ANO7: variants seen among roughly 807,000 people sequenced by gnomAD.
ANO7 encodes the protein anoctamin 7, also known as anoctamin-7.
A neutral mutation model predicts 115.8 loss-of-function variants in ANO7; 114 were observed. The observed-to-expected ratio is 0.98, with a 90% CI of 0.85 to 1.15. The LOEUF is 1.15. Ranked by LOEUF, ANO7 falls within the 50% of genes most tolerant of loss-of-function variation. ANO7 has a pLI of 0.00. For synonymous variants in ANO7, 550 were observed against 498.2 expected (o/e 1.10, Z -1.38); for missense variants, 1,302 against 1,201.2 (o/e 1.08, Z -1.24).
the ANO7 span, chr2:241,236,254 C>CTAGG: frequency 3.3e-6 from 1 of 304,964 alleles, no homozygotes; most frequent in African/African-American, 2.1e-5. Context: ...ACAAGGTGAG[C>CTAGG]TAGGCCTGAT....
chr2:241,213,482 C>G (rs1383489148), intron 17 of ANO7, among the ~76,000 whole-genome samples: 1 of 152,256 alleles, frequency 6.6e-6, no homozygotes, highest in Non-Finnish European at 1.5e-5. Context: ...CCCTGCAAAG[C>G]AGACCCCAAG....
In ANO7 at chr2:241,217,813, G is replaced by A. The variant is rs78605785; in HGVS notation, c.2100G>A (p.Pro700=). The part of the protein sequence containing the change: ...ARKFVCEYRR[P]VAERAQDIGI... ...AGTTCGTCTGCGAGTACCGGCGCCC[G>A]GTGGCCGAGCGCGCCCAGGACATCG... The change falls in exon 20 of 25, where the codon CCG becomes CCA. Residue 700 remains proline, a synonymous_variant. Coordinates refer to ENST00000674324, the MANE Select transcript of ANO7 (RefSeq NM_001370694.2). 2 of 1,609,228 alleles carry A rather than the reference G, an allele frequency of 1.2e-6. No individual in the cohort carries two copies.
At chr2:241,189,141 G>A (rs571110222) in intron 1 of ANO7, among the ~76,000 whole-genome samples, 1 of 152,176 alleles carries the variant, frequency 6.6e-6, no homozygotes, top group South Asian at 2.1e-4. Context: ...ACTCCTCGGG[G>A]ACTTTCCTCC....
chr2:241,235,181 G>C, the ANO7 span: 2 of 1,614,056 alleles, frequency 1.2e-6, no homozygotes, highest in Non-Finnish European at 1.7e-6. Context: ...CCTTGGCCCG[G>C]TCCAAATTTG....
Position 241,200,075 on chromosome 2 carries a change from A to G in ANO7, c.418-14A>G, listed in dbSNP as rs902667615. 4.0e-5 allele frequency: 65 copies of G among 1,610,104 alleles called. No homozygotes were observed. Among genetic ancestry groups the G allele is most frequent in the Non-Finnish European group, 5.4e-5 (64 of 1,179,822 alleles). ...CTCCCGGGAGTGGGAGGAGCCACTG[A>G]CGTTTCCTTCCAGGAGTTACCCAAC... is the stretch of plus-strand genomic sequence containing the variant. On this transcript the variant is annotated splice_polypyrimidine_tract_variant and intron_variant, in intron 5 of 24. Coordinates refer to ENST00000674324, the MANE Select transcript of ANO7 (RefSeq NM_001370694.2).
chr2:241,190,703 C>G (rs1006820838), intron 2 of ANO7, among the ~76,000 whole-genome samples: 4 of 152,208 alleles, frequency 2.6e-5, no homozygotes, highest in Non-Finnish European at 4.4e-5. Flanking sequence ...CCCTTCCTGC[C>G]GCCCCAAGCA....
intron 21 of ANO7, among the ~76,000 whole-genome samples, chr2:241,218,886 C>T (rs2068938031): frequency 6.6e-6 from 1 of 152,210 alleles, no homozygotes; most frequent in African/African-American, 2.4e-5. Flanking sequence ...ACGGTGCTTT[C>T]TCATACAGCG....
At chr2:241,191,381 A>T in intron 3 of ANO7, 130 bp downstream of exon 3, 1 of 1,152,348 alleles carries the variant, frequency 8.7e-7, no homozygotes, top group Non-Finnish European at 1.2e-6. Context: ...TTGCTTGGGG[A>T]TGGGGCACTG....
In ANO7 at chr2:241,224,396, A is replaced by G; in HGVS notation, c.*243A>G. The G allele has an allele frequency of 3.6e-6, 2 of 552,280 alleles. No homozygotes were observed. The highest frequency in any genetic ancestry group is 6.5e-6 in the Non-Finnish European group (2 of 309,208). The allele number at this position is 552,280 out of a possible 1,614,324, so 34.2% of individuals were successfully genotyped here. On this transcript the variant is annotated 3_prime_UTR_variant, in exon 25 of 25. Transcript: ENST00000674324. Reference sequence around the variant, plus strand: ...GGCCCTCTTTGTTTCCTGCTCCCAGACATAAGCCCAAGGGGCCCCTGCACC... The same window carrying G: ...GGCCCTCTTTGTTTCCTGCTCCCAGGCATAAGCCCAAGGGGCCCCTGCACC...
Position 241,218,224 on chromosome 2 carries a change from C to T in ANO7, c.2179-15C>T, listed in dbSNP as rs1164514235. 12 of 1,458,786 alleles carry T rather than the reference C, an allele frequency of 8.2e-6. No homozygotes were observed. Among genetic ancestry groups the T allele is most frequent in the Non-Finnish European group, 9.9e-6 (11 of 1,107,358 alleles). 90.4% of individuals were successfully genotyped at this position (1,458,786 alleles called of 1,614,324 possible). On this transcript the variant is annotated splice_polypyrimidine_tract_variant and intron_variant, in intron 20 of 24. Transcript: ENST00000674324. The stretch of plus-strand genomic sequence containing the variant: ...GGAGCGGGGGCCGCCTCGCGCTGAC[C>T]CCTCCGGCGCCCAGGCCTTCCTCCT...
the ANO7 span, chr2:241,238,448 A>C: frequency 2.3e-6 from 1 of 426,508 alleles, no homozygotes. The surrounding 1 kb of genome is among the most constrained non-coding windows in gnomAD (Gnocchi z 4.9). Context: ...TATGAAGGTC[A>C]CCTGGTCACT....
intron 17 of ANO7, among the ~76,000 whole-genome samples, chr2:241,214,408 C>A (rs1156901157): frequency 6.6e-6 from 1 of 152,234 alleles, no homozygotes; most frequent in Non-Finnish European, 1.5e-5. Context: ...CTTAGCACCC[C>A]TTGCAAGGCA....
intron 17 of ANO7, among the ~76,000 whole-genome samples, chr2:241,214,307 T>C (rs946253049): frequency 3.3e-5 from 5 of 152,230 alleles, no homozygotes; most frequent in Admixed American, 6.5e-5. Flanking sequence ...TTAAAAATGC[T>C]GCACTGCTAT....
the ANO7 span, among the ~76,000 whole-genome samples, chr2:241,232,905 G>A: frequency 6.6e-6 from 1 of 152,114 alleles, no homozygotes; most frequent in Non-Finnish European, 1.5e-5. Context: ...GGAGGAGGCA[G>A]GGTGCAGGAG....
downstream of ANO7, chr2:241,229,615 C>T: frequency 6.2e-7 from 1 of 1,613,738 alleles, no homozygotes; most frequent in Non-Finnish European, 8.5e-7. Flanking sequence ...CGTTTGGGGC[C>T]CCAAGGGAGG....
At chr2:241,208,746 T>C (rs767871953) in intron 11 of ANO7, among the ~76,000 whole-genome samples, 2 of 152,156 alleles carry the variant, frequency 1.3e-5, no homozygotes, top group Non-Finnish European at 2.9e-5. Flanking sequence ...CATGAAAATA[T>C]CAGCTCAGAA....
At chr2:241,192,364 T>C (rs1384063647) in intron 3 of ANO7, among the ~76,000 whole-genome samples, 1 of 151,958 alleles carries the variant, frequency 6.6e-6, no homozygotes, top group African/African-American at 2.4e-5. Context: ...GGGGCTTAGA[T>C]GGCAGAACTT....
Position 241,203,288 on chromosome 2 carries a change from G to T in ANO7, c.724-45G>T, listed in dbSNP as rs758399476. 7.6e-6 allele frequency: 11 copies of T among 1,447,876 alleles called. No homozygotes were observed. Among genetic ancestry groups the T allele is most frequent in the Non-Finnish European group, 9.1e-6 (10 of 1,094,048 alleles). The allele number at this position is 1,447,876 out of a possible 1,614,324, so 89.7% of individuals were successfully genotyped here. A position where few individuals can be genotyped will look rare whatever the true frequency, so the allele number is the denominator to read the frequency against. ...CCTGCACCTACAACAGTGCCCAGTG[G>T]GGTCAGCTGGGGGAGCCTCCCACCC... On this transcript the variant is annotated intron_variant, in intron 8 of 24. Transcript: ENST00000674324. The surrounding 1 kb of genome is among the most constrained non-coding windows in gnomAD (Gnocchi z 4.8).
At position 241,224,525 on chromosome 2, in the gene ANO7, TCTC is replaced by T. The variant is rs1414620601; in HGVS notation, c.*376_*378del. On this transcript the variant is annotated 3_prime_UTR_variant, in exon 25 of 25. Transcript: ENST00000674324. ...CTCGCCGCCCCTGGCCACATCGCCCTCTCCTCTTACACCTGGTGACCTTCGAAT... is the reference window on the plus strand; with the variant it reads ...CTCGCCGCCCCTGGCCACATCGCCCTCTCTTACACCTGGTGACCTTCGAAT... 17 of 270,250 alleles carry T rather than the reference TCTC, an allele frequency of 6.3e-5. No homozygotes were observed. Among genetic ancestry groups the T allele is most frequent in the African/African-American group, 3.5e-4 (16 of 45,230 alleles). The allele number at this position is 270,250 out of a possible 1,614,324, so 16.7% of individuals were successfully genotyped here.
Sources: gnomAD v4.1 joint callset for allele counts (sites outside exome capture counted in the v4.1 genomes callset) on GRCh38, gnomAD v4.1.1 for gene constraint, Gnocchi (gnomAD v3.1) non-coding constraint, MANE v1.5 for transcripts, NCBI Gene and HGNC (gene_info 2026-07-23, HGNC 2026-07-21) for gene names.